ARNT2: variants seen among roughly 807,000 people sequenced by gnomAD.
ARNT2 encodes ARNT protein 2.
A neutral mutation model predicts 91.7 loss-of-function variants in ARNT2; 36 were observed. That is an observed-to-expected ratio of 0.39 (90% CI 0.30 to 0.52). The LOEUF (loss-of-function observed/expected upper bound fraction) is 0.52, where lower values mean the gene tolerates loss of function less well. Ranked by LOEUF, ARNT2 falls within the 20% of genes least tolerant of loss-of-function variation. The pLI is 0.72. For synonymous variants in ARNT2, 365 were observed against 347.1 expected (o/e 1.05, Z -0.57); for missense variants, 775 against 939.3 (o/e 0.83, Z 2.29).
At chr15:80,491,207 A>G (rs1897052069) in intron 5 of ARNT2, among the ~76,000 whole-genome samples, 1 of 152,176 alleles carries the variant, frequency 6.6e-6, no homozygotes, top group Non-Finnish European at 1.5e-5. Context: ...GCTGATAAAG[A>G]CATACCTGAG....
chr15:80,565,257 G>T (rs563518126), intron 12 of ARNT2, among the ~76,000 whole-genome samples: 2 of 152,270 alleles, frequency 1.3e-5, no homozygotes, highest in East Asian at 1.9e-4. Context: ...CCGTTGATGG[G>T]CACCTGGATT....
chr15:80,526,599 G>A (rs1209051517), intron 8 of ARNT2, among the ~76,000 whole-genome samples: 7 of 152,204 alleles, frequency 4.6e-5, no homozygotes, highest in African/African-American at 7.2e-5. Flanking sequence ...CCCAGAGCAG[G>A]TGAACTCCCA....
intron 12 of ARNT2, among the ~76,000 whole-genome samples, chr15:80,564,541 T>C (rs1196560932): frequency 6.6e-6 from 1 of 152,144 alleles, no homozygotes; most frequent in East Asian, 1.9e-4. Context: ...TTTTTTTTAA[T>C]TTTAGATTCA....
chr15:80,569,723 C>T (rs1043295748), intron 12 of ARNT2, among the ~76,000 whole-genome samples: 2 of 152,368 alleles, frequency 1.3e-5, no homozygotes, highest in African/African-American at 4.8e-5. Context: ...AGCAAACCCC[C>T]GGCCTAATAC....
intron 8 of ARNT2, among the ~76,000 whole-genome samples, chr15:80,545,010 G>A (rs1897968556): frequency 1.3e-5 from 2 of 152,156 alleles, no homozygotes; most frequent in African/African-American, 4.8e-5. Flanking sequence ...AGTTCAAGCA[G>A]CAATAGATGG....
Position 80,513,994 on chromosome 15 carries a change from T to C in ARNT2, c.791+18T>C, listed in dbSNP as rs773133554. 11 of 1,603,714 alleles carry C rather than the reference T, an allele frequency of 6.9e-6. No homozygotes were observed. Among genetic ancestry groups the C allele is most frequent in the Admixed American group, 6.7e-5 (4 of 59,974 alleles). ...AGGTTCAGGTCAGTATCTCTTCCGATGTATATTTTGGGACTGTTCTGGTAG... is the reference window on the plus strand; with the variant it reads ...AGGTTCAGGTCAGTATCTCTTCCGACGTATATTTTGGGACTGTTCTGGTAG... On this transcript the variant is annotated intron_variant, in intron 7 of 18. Coordinates refer to ENST00000303329, the MANE Select transcript of ARNT2 (RefSeq NM_014862.4).
chr15:80,533,991 T>A (rs562016320), intron 8 of ARNT2, among the ~76,000 whole-genome samples: 52 of 152,386 alleles, frequency 3.4e-4, no homozygotes, highest in African/African-American at 1.3e-3. Flanking sequence ...AATGAAGCTC[T>A]GTCTTCTAAG....
intron 1 of ARNT2, among the ~76,000 whole-genome samples, chr15:80,419,555 T>C (rs990671994): frequency 2.0e-5 from 3 of 152,136 alleles, no homozygotes; most frequent in Non-Finnish European, 4.4e-5. Flanking sequence ...TGAAGAGAAA[T>C]GAACCAGAGG....
intron 1 of ARNT2, among the ~76,000 whole-genome samples, chr15:80,408,039 AT>A (rs1895625981): frequency 6.6e-6 from 1 of 152,172 alleles, no homozygotes; most frequent in African/African-American, 2.4e-5. Context: ...GTTTTAAGAG[AT>A]TTGGAATTCC....
At chr15:80,491,982 G>T (rs1326059531) in intron 5 of ARNT2, among the ~76,000 whole-genome samples, 1 of 152,026 alleles carries the variant, frequency 6.6e-6, no homozygotes. Flanking sequence ...CTACACAGGT[G>T]TACGTCTATT....
chr15:80,466,488 A>C (rs1896655359), intron 3 of ARNT2, among the ~76,000 whole-genome samples: 1 of 152,176 alleles, frequency 6.6e-6, no homozygotes, highest in Non-Finnish European at 1.5e-5. Context: ...CTCAGCCCCG[A>C]GCAAGCATGT....
At chr15:80,563,699 C>T (rs1898415302) in intron 12 of ARNT2, among the ~76,000 whole-genome samples, 1 of 152,146 alleles carries the variant, frequency 6.6e-6, no homozygotes, top group Non-Finnish European at 1.5e-5. Context: ...GGTGTAGGCA[C>T]CTCAAGGACA....
intron 1 of ARNT2, among the ~76,000 whole-genome samples, chr15:80,435,248 C>T (rs1896069365): frequency 2.0e-5 from 3 of 152,170 alleles, no homozygotes; most frequent in African/African-American, 7.2e-5. Flanking sequence ...GCCAGCTCTG[C>T]CCGAGGTTCT....
In ARNT2 at chr15:80,596,478, A is replaced by G. The variant is rs928892658; in HGVS notation, c.*2780A>G. ...GTTTTCACCAAGGATTTTCAAGACAAACTGGAGTAAGAATTAAAGCCCCAG... is the reference window on the plus strand; with the variant it reads ...GTTTTCACCAAGGATTTTCAAGACAGACTGGAGTAAGAATTAAAGCCCCAG... On this transcript the variant is annotated 3_prime_UTR_variant, in exon 19 of 19. Coordinates refer to ENST00000303329, the MANE Select transcript of ARNT2 (RefSeq NM_014862.4). The G allele has an allele frequency of 1.3e-5, 2 of 152,170 alleles. No individual in the cohort carries two copies. The highest frequency in any genetic ancestry group is 4.8e-5 in the African/African-American group (2 of 41,434). 9.4% of individuals were successfully genotyped at this position (152,170 alleles called of 1,614,324 possible).
At chr15:80,506,522 A>T (rs1897277748) in intron 5 of ARNT2, among the ~76,000 whole-genome samples, 1 of 152,204 alleles carries the variant, frequency 6.6e-6, no homozygotes, top group African/African-American at 2.4e-5. Flanking sequence ...AGGGTGTCAG[A>T]TACCGAGGGT....
At chr15:80,563,565 C>T (rs999764573) in intron 12 of ARNT2, among the ~76,000 whole-genome samples, 1 of 152,200 alleles carries the variant, frequency 6.6e-6, no homozygotes, top group Non-Finnish European at 1.5e-5. Context: ...TCTGCTGGGC[C>T]CCGCCTTGTT....
At chr15:80,549,542 G>A (rs1399480976) in intron 8 of ARNT2, among the ~76,000 whole-genome samples, 5 of 152,142 alleles carry the variant, frequency 3.3e-5, no homozygotes, top group Admixed American at 2.6e-4. Flanking sequence ...GAAAGAGACA[G>A]AAGCAGACAA....
chr15:80,481,714 A>G (rs991209219), intron 5 of ARNT2, among the ~76,000 whole-genome samples: 6 of 152,136 alleles, frequency 3.9e-5, no homozygotes, highest in Non-Finnish European at 7.3e-5. Context: ...CCCTGTCTCA[A>G]ATAAACAAAT....
chr15:80,486,637 T>G (rs1189887485), intron 5 of ARNT2, among the ~76,000 whole-genome samples: 2 of 152,196 alleles, frequency 1.3e-5, no homozygotes, highest in African/African-American at 2.4e-5. Context: ...TCCTTTGATG[T>G]TTATGCATTC....
Sources: gnomAD v4.1 joint callset for allele counts (sites outside exome capture counted in the v4.1 genomes callset) on GRCh38, gnomAD v4.1.1 for gene constraint, MANE v1.5 for transcripts, NCBI Gene and HGNC (gene_info 2026-07-23, HGNC 2026-07-21) for gene names.